CHD9: variants seen among roughly 807,000 people sequenced by gnomAD.
CHD9 encodes the protein ATP-dependent chromatin remodeler CHD9.
A neutral mutation model predicts 316.1 loss-of-function variants in CHD9; 77 were observed. The ratio of observed to expected loss-of-function variants is 0.24; its 90% CI spans 0.20 to 0.29. The LOEUF is 0.29. CHD9 is among the 10% of genes least tolerant of loss of function. CHD9 has a pLI of 1.00. For missense variants in CHD9, 2,763 were observed against 3,438.1 expected (o/e 0.80, Z 4.91); for synonymous variants, 1,129 against 1,158.3 (o/e 0.97, Z 0.51).
chr16:53,229,972 G>C (rs2048027222), intron 8 of CHD9, among the ~76,000 whole-genome samples: 1 of 152,154 alleles, frequency 6.6e-6, no homozygotes. Flanking sequence ...GTGTGTGTGT[G>C]TTTATTTTTA....
chr16:53,269,824 C>G (rs1293377276), intron 22 of CHD9, among the ~76,000 whole-genome samples: 1 of 152,068 alleles, frequency 6.6e-6, no homozygotes, highest in Non-Finnish European at 1.5e-5. Context: ...ACTATCACAA[C>G]CTTCAGCGTG....
intron 2 of CHD9, among the ~76,000 whole-genome samples, chr16:53,192,131 G>A (rs931469852): frequency 6.6e-6 from 1 of 151,662 alleles, no homozygotes; most frequent in Non-Finnish European, 1.5e-5. Flanking sequence ...AGGTATATGT[G>A]CCTGCACACA....
intron 1 of CHD9, among the ~76,000 whole-genome samples, chr16:53,123,159 G>A (rs187055393): frequency 4.8e-5 from 7 of 145,682 alleles, no homozygotes; most frequent in Admixed American, 4.3e-4. Flanking sequence ...CACCACGCCC[G>A]GCCTGGAATC....
At chr16:53,244,050 C>A (rs2049339983) in intron 13 of CHD9, among the ~76,000 whole-genome samples, 1 of 151,946 alleles carries the variant, frequency 6.6e-6, no homozygotes, top group Admixed American at 6.6e-5. Flanking sequence ...GATACATATA[C>A]AAATATTTAG....
intron 1 of CHD9, among the ~76,000 whole-genome samples, chr16:53,083,406 C>T (rs1413396160): frequency 6.6e-6 from 1 of 152,170 alleles, no homozygotes; most frequent in Non-Finnish European, 1.5e-5. Context: ...AAGAATCTAA[C>T]TGGCAGCAAA....
chr16:53,297,441 T>C (rs1257577779), intron 30 of CHD9, among the ~76,000 whole-genome samples: 1 of 152,212 alleles, frequency 6.6e-6, no homozygotes, highest in Non-Finnish European at 1.5e-5. Flanking sequence ...AGATAAAGGA[T>C]TGCTTTTGTT....
chr16:53,314,510 T>C lies in CHD9; in HGVS notation c.7356T>C (p.Pro2452=). Reference sequence around the variant, plus strand: ...TCTTTTTTAACAGAAATAAACCACCTAATCATGTAAGTAAAGCAGTACTTA... The same window carrying C: ...TCTTTTTTAACAGAAATAAACCACCCAATCATGTAAGTAAAGCAGTACTTA... ...DIFFFNRNKP[P]NHVSLGLTSS... Residue 2452 remains proline (P), a synonymous_variant, in exon 35 of 39, where the codon CCT becomes CCC. Transcript: ENST00000447540. The C allele has an allele frequency of 6.4e-7, 1 of 1,569,902 alleles. No individual in the cohort carries two copies. Among genetic ancestry groups the C allele is most frequent in the Non-Finnish European group, 8.6e-7 (1 of 1,157,256 alleles).
At chr16:53,063,646 C>T (rs948636353) in intron 1 of CHD9, among the ~76,000 whole-genome samples, 2 of 152,084 alleles carry the variant, frequency 1.3e-5, no homozygotes, top group Non-Finnish European at 2.9e-5. Context: ...ATTCTCCTGC[C>T]TCAGCCTCCT....
At chr16:53,265,440 TA>T in intron 20 of CHD9, among the ~76,000 whole-genome samples, 1 of 152,042 alleles carries the variant, frequency 6.6e-6, no homozygotes, top group Non-Finnish European at 1.5e-5. Context: ...AATACATTAA[TA>T]TAAAATAATA....
intron 26 of CHD9, among the ~76,000 whole-genome samples, chr16:53,287,710 A>G (rs1012560347): frequency 6.6e-6 from 1 of 152,190 alleles, no homozygotes; most frequent in Non-Finnish European, 1.5e-5. Context: ...CTGGGCGACA[A>G]GAGTGAAACT....
chr16:53,261,754 C>T (rs1424895632), intron 19 of CHD9, among the ~76,000 whole-genome samples: 1 of 152,178 alleles, frequency 6.6e-6, no homozygotes, highest in African/African-American at 2.4e-5. Context: ...CTTGTTTCAT[C>T]ACCACCTCCC....
chr16:53,145,287 G>A (rs1005981159), intron 1 of CHD9, among the ~76,000 whole-genome samples: 11 of 151,740 alleles, frequency 7.2e-5, no homozygotes, highest in Non-Finnish European at 1.3e-4. Context: ...AAATAGCTGG[G>A]ATTACAGGCA....
chr16:53,170,553 G>A (rs192662482), intron 2 of CHD9, among the ~76,000 whole-genome samples: 5 of 150,250 alleles, frequency 3.3e-5, no homozygotes, highest in South Asian at 2.1e-4. Context: ...AAAATGCATC[G>A]TGCAGTACTA....
intron 1 of CHD9, among the ~76,000 whole-genome samples, chr16:53,080,864 G>A (rs941707881): frequency 4.6e-5 from 7 of 152,066 alleles, no homozygotes; most frequent in Non-Finnish European, 8.8e-5. Flanking sequence ...GACTTGCATT[G>A]CCCCAGGAAA....
At chr16:53,268,461 G>A (rs974707987) in intron 22 of CHD9, among the ~76,000 whole-genome samples, 1 of 152,058 alleles carries the variant, frequency 6.6e-6, no homozygotes, top group Non-Finnish European at 1.5e-5. Flanking sequence ...TATCTCCTTT[G>A]ATGATGGGTG....
chr16:53,254,212 T>A (rs1309258226), intron 17 of CHD9, among the ~76,000 whole-genome samples: 1 of 152,122 alleles, frequency 6.6e-6, no homozygotes, highest in Non-Finnish European at 1.5e-5. Context: ...TTTGTGAATT[T>A]ATATTCTTTG....
chr16:53,250,374 C>G (rs1335043251), intron 17 of CHD9: 9 of 243,788 alleles, frequency 3.7e-5, no homozygotes, highest in Admixed American at 2.1e-4. Context: ...CTATGTTGCC[C>G]AGGCTGGTCT....
chr16:53,136,702 G>A (rs1348710137), intron 1 of CHD9, among the ~76,000 whole-genome samples: 1 of 152,140 alleles, frequency 6.6e-6, no homozygotes, highest in African/African-American at 2.4e-5. Flanking sequence ...TCATAATTTA[G>A]TGAATTCACT....
intron 3 of CHD9, among the ~76,000 whole-genome samples, chr16:53,212,895 AAAT>A (rs2046444789): frequency 6.6e-6 from 1 of 152,172 alleles, no homozygotes; most frequent in South Asian, 2.1e-4. Context: ...TTAATATACA[AAAT>A]AGTATCTGGA....
Sources: allele counts gnomAD v4.1 joint callset (sites outside exome capture counted in the v4.1 genomes callset), GRCh38; gene constraint gnomAD v4.1.1; transcripts MANE v1.5; gene names NCBI Gene and HGNC (gene_info 2026-07-23, HGNC 2026-07-21).